Variants in EP400 observed in about 807,000 individuals in gnomAD.
EP400 encodes E1A binding protein p400.
In EP400, 105 loss-of-function variants were observed where a neutral mutation model predicts 354.1. The observed-to-expected ratio is 0.30, with a 90% CI of 0.25 to 0.35. The LOEUF is 0.35. Ranked by LOEUF, EP400 falls within the 10% of genes least tolerant of loss-of-function variation. The probability of loss-of-function intolerance (pLI) is 1.00; values close to 1 mark genes in which losing one functional copy is unlikely to be tolerated. For missense variants in EP400, 3,280 were observed against 4,121.0 expected (o/e 0.80, Z 5.59); for synonymous variants, 1,646 against 1,716.9 (o/e 0.96, Z 1.02).
intron 19 of EP400, 143 bp downstream of exon 19, chr12:132,014,056 A>C: frequency 9.8e-6 from 11 of 1,119,470 alleles, no homozygotes; most frequent in Non-Finnish European, 1.4e-5. Flanking sequence ...TCCTGGGGGC[A>C]GCAGGCTCTG....
In EP400 at chr12:131,961,052, C is replaced by A. The variant is rs1292149354; in HGVS notation, c.433C>A (p.Gln145Lys). Residue 145 changes from glutamine (Q) to lysine (K), a missense_variant, in exon 2 of 53, where the codon CAG (glutamine) becomes AAG (lysine). Gln to Lys is a moderately conservative substitution (Grantham distance 53). This residue lies in a region of EP400 where 172 missense variants were observed against 242.9 expected (regional missense o/e 0.71). Coordinates refer to ENST00000389561, the MANE Select transcript of EP400 (RefSeq NM_015409.5). The stretch of plus-strand genomic sequence containing the variant: ...CACGCAGCCCAGTCCGGGGCCGGGG[C>A]AGGCCTTGCAGAATGTGCGTGCAGG... ...SPTQPSPGPGQALQNVRAGAP... is the reference protein window; with the variant it reads ...SPTQPSPGPGKALQNVRAGAP... 6.3e-7 allele frequency: 1 copy of A among 1,577,058 alleles called. No individual in the cohort carries two copies. The highest frequency in any genetic ancestry group is 1.1e-5 in the South Asian group (1 of 87,138).
At chr12:132,069,470 C>T (rs1896005656) in intron 50 of EP400, 25 bp from the exon 51 acceptor site, 1 of 1,611,240 alleles carries the variant, frequency 6.2e-7, no homozygotes, top group Non-Finnish European at 8.5e-7. Context: ...GTCTCTGCGG[C>T]CCTAATTTCG....
Position 132,050,029 on chromosome 12 carries a change from T to G in EP400, c.7201-294T>G. 6.6e-6 allele frequency among the ~76,000 whole-genome samples: 1 copy of G among 152,232 alleles called. No individual in the cohort carries two copies. The highest frequency in any genetic ancestry group is 1.5e-5 in the Non-Finnish European group (1 of 68,042). On this transcript the variant is annotated intron_variant, in intron 39 of 52. Transcript: ENST00000389561. This position sits in a 1 kb window ranked among gnomAD's most constrained non-coding sequence, Gnocchi z 4.8. ...ACCTGCCATGTGACCTTGGGCACTT[T>G]GCACACCTGTTTTGTTCCCTCTCCC...
At chr12:132,000,842 A>G (rs553801910) in intron 12 of EP400, among the ~76,000 whole-genome samples, 15 of 152,380 alleles carry the variant, frequency 9.8e-5, no homozygotes, top group African/African-American at 3.4e-4. Context: ...GAAAACCTAC[A>G]TGAAATTTTA....
rs1160554591 is a variant in EP400, at chr12:131,990,040, G to C, written c.2486G>C (p.Arg829Thr). The change falls in exon 8 of 53, where the codon AGA becomes ACA. Residue 829 changes from arginine (R) to threonine (T), a missense_variant. Arg to Thr is a moderately conservative substitution (Grantham distance 71). This residue lies in a region of EP400 where 800 missense variants were observed against 840.0 expected (regional missense o/e 0.95). Coordinates refer to ENST00000389561, the MANE Select transcript of EP400 (RefSeq NM_015409.5). This position sits in a 1 kb window ranked among gnomAD's most constrained non-coding sequence, Gnocchi z 4.2. ...EERGKKEEQS[R>T]LRRIAASTAR... Reference sequence around the variant, plus strand: ...AGGGGGAAGAAGGAAGAGCAGAGCAGACTGAGGCGGATAGCCGCCTCCACG... The same window carrying C: ...AGGGGGAAGAAGGAAGAGCAGAGCACACTGAGGCGGATAGCCGCCTCCACG... 1.2e-5 allele frequency: 19 copies of C among 1,613,476 alleles called. No homozygotes were observed. The highest frequency in any genetic ancestry group is 1.5e-5 in the Non-Finnish European group (18 of 1,179,916).
chr12:131,997,760 G>A (rs974577514), intron 12 of EP400, among the ~76,000 whole-genome samples: 1 of 152,092 alleles, frequency 6.6e-6, no homozygotes. Context: ...GGGAGGGGAA[G>A]GGGTTGGTCC....
In EP400 at chr12:132,034,389, T is replaced by A. The variant is rs148323470; in HGVS notation, c.5951+2240T>A. On this transcript the variant is annotated intron_variant, in intron 30 of 52. Coordinates refer to ENST00000389561, the MANE Select transcript of EP400 (RefSeq NM_015409.5). ...TGGGTAGACTTCATTCATGAACATGTGAAGTTTCTCCAAAGTAATACTAAA... is the reference window on the plus strand; with the variant it reads ...TGGGTAGACTTCATTCATGAACATGAGAAGTTTCTCCAAAGTAATACTAAA... Among the ~76,000 whole-genome samples, 244 of 152,340 alleles carry A rather than the reference T, an allele frequency of 1.6e-3. 2 individuals carry two copies. The highest frequency in any genetic ancestry group is 6.8e-3 in the Middle Eastern group (2 of 294).
intron 32 of EP400, among the ~76,000 whole-genome samples, chr12:132,042,336 C>T (rs889430263): frequency 6.6e-6 from 1 of 152,176 alleles, no homozygotes; most frequent in African/African-American, 2.4e-5. Context: ...ACATATCTTT[C>T]CCATTCTGTG....
chr12:132,062,553 AGCAGCAGCAGCAGCAG>A lies in EP400; in HGVS notation c.8187_8202del (p.Gln2729HisfsTer43), dbSNP rs1593383485. Reference sequence around the variant, plus strand: ...CAGCAGCAGCAGCAGCAACAACAGCAGCAGCAGCAGCAGCAGCAGCAGCAGCAGCAGCAGCAGCAAC... The same window carrying A: ...CAGCAGCAGCAGCAGCAACAACAGCACAGCAGCAGCAGCAGCAGCAGCAAC... On this transcript the variant is annotated frameshift_variant, in exon 47 of 53. Transcript: ENST00000389561. LOFTEE classifies it high-confidence loss of function. 5.2e-6 allele frequency: 8 copies of A among 1,552,250 alleles called. No individual in the cohort carries two copies. Among genetic ancestry groups the A allele is most frequent in the African/African-American group, 2.8e-5 (2 of 71,274 alleles).
rs779129788 is a variant in EP400, at chr12:132,062,536, GCAGCAGCAACAA to G, written c.8178_8189del (p.Gln2745_Gln2748del). 19 of 1,601,412 alleles carry G rather than the reference GCAGCAGCAACAA, an allele frequency of 1.2e-5. No homozygotes were observed. Among genetic ancestry groups the G allele is most frequent in the African/African-American group, 4.2e-5 (3 of 71,816 alleles). ...TCCAGCTTCTCAGGCAGCAGCAGCA[GCAGCAGCAACAA>G]CAGCAGCAGCAGCAGCAGCAGCAGC... is the stretch of plus-strand genomic sequence containing the variant. On this transcript the variant is annotated inframe_deletion, in exon 47 of 53. Coordinates refer to ENST00000389561, the MANE Select transcript of EP400 (RefSeq NM_015409.5).
rs1893010169 is a variant in EP400 at position 131,990,865 on chromosome 12, C to T, written c.2629+151C>T. 8 of 642,040 alleles carry T rather than the reference C, an allele frequency of 1.2e-5. No homozygotes were observed. The Admixed American group carries it at 2.4e-4, about 19-fold the overall frequency. 39.8% of individuals were successfully genotyped at this position (642,040 alleles called of 1,614,324 possible). A position where few individuals can be genotyped will look rare whatever the true frequency, so the allele number is the denominator to read the frequency against. ...GATTGTTACATTTCTCTTTGTGTGG[C>T]CATCCTAGTTTTATGCTTCAGTGCT... On this transcript the variant is annotated intron_variant, in intron 9 of 52. Transcript: ENST00000389561. This position sits in a 1 kb window ranked among gnomAD's most constrained non-coding sequence, Gnocchi z 4.2.
rs1361922887 is a variant in EP400, at chr12:131,972,748, T to TTG, written c.1336-6943_1336-6942dup. ...ACCTTTTTTTTTTTTTTTTTTTTTT[T>TTG]TGTGACGGAGTCTCGCTCTGTTGTC... On this transcript the variant is annotated intron_variant, in intron 2 of 52. Transcript: ENST00000389561. Among the ~76,000 whole-genome samples the TTG allele has an allele frequency of 6.2e-5, 9 of 146,230 alleles. No homozygotes were observed. In the South Asian group the frequency reaches 2.0e-3, roughly 32 times the overall value.
chr12:132,051,663 A>G (rs935933291), intron 41 of EP400, among the ~76,000 whole-genome samples: 2 of 152,144 alleles, frequency 1.3e-5, no homozygotes, highest in Non-Finnish European at 2.9e-5. Flanking sequence ...GGTGTACAAG[A>G]TGGAACATGA....
intron 24 of EP400, 103 bp downstream of exon 24, chr12:132,024,044 T>C: frequency 7.8e-7 from 1 of 1,275,186 alleles, no homozygotes; most frequent in South Asian, 1.8e-5. Context: ...AGTGTCAGGC[T>C]TTTCCCTGTG....
rs373080784 is a variant in EP400, at chr12:132,066,863, G to C, written c.8643G>C (p.Pro2881=). Residue 2881 remains proline, a synonymous_variant, in exon 49 of 53, where the codon CCG becomes CCC. Transcript: ENST00000389561. The part of the protein sequence containing the change: ...QPAQVALAKP[P]VVSVPAAVVS... ...CCCAGGTGGCCTTGGCGAAGCCTCC[G>C]GTGGTGTCCGTCCCGGCAGCTGTGG... 1 of 1,613,974 alleles carries C rather than the reference G, an allele frequency of 6.2e-7. No individual in the cohort carries two copies. The highest frequency in any genetic ancestry group is 8.5e-7 in the Non-Finnish European group (1 of 1,179,978).
rs1471929922 is a variant in EP400 at position 132,076,511 on chromosome 12, C to T, written c.9022-5C>T. The stretch of plus-strand genomic sequence containing the variant: ...GTATGTTTGGCTTTTTTTGTTTTGT[C>T]AAAGGTTGCAAAACTTCCTCAAGTT... On this transcript the variant is annotated splice_polypyrimidine_tract_variant and splice_region_variant and intron_variant, in intron 51 of 52. Transcript: ENST00000389561. 2 of 1,613,910 alleles carry T rather than the reference C, an allele frequency of 1.2e-6. No individual in the cohort carries two copies. Among genetic ancestry groups the T allele is most frequent in the Non-Finnish European group, 8.5e-7 (1 of 1,180,000 alleles).
chr12:132,055,604 G>A (rs1199606074), intron 45 of EP400, among the ~76,000 whole-genome samples: 1 of 133,812 alleles, frequency 7.5e-6, no homozygotes, highest in Non-Finnish European at 1.6e-5. Context: ...GTATAGGGGT[G>A]TGTGTGAGGT....
In EP400 at chr12:131,962,018, T is replaced by G; in HGVS notation, c.1335+64T>G. The G allele has an allele frequency of 2.0e-6, 3 of 1,498,538 alleles. No homozygotes were observed. In the East Asian group the frequency reaches 7.2e-5, roughly 36 times the overall value. The allele number at this position is 1,498,538 out of a possible 1,614,324, so 92.8% of individuals were successfully genotyped here. ...TAGATGATCAGAGTCTATGCGACAA[T>G]GAATTAAGTAATAATTTATTGAGCC... On this transcript the variant is annotated intron_variant, in intron 2 of 52. Transcript: ENST00000389561.
intron 39 of EP400, among the ~76,000 whole-genome samples, chr12:132,048,070 ATTCTG>A (rs1329554913): frequency 6.6e-6 from 1 of 152,206 alleles, no homozygotes; most frequent in East Asian, 1.9e-4. Flanking sequence ...CATTGCTGTT[ATTCTG>A]TTCTTTTTTT....
Sources: gnomAD v4.1 joint callset for allele counts (sites outside exome capture counted in the v4.1 genomes callset) on GRCh38, gnomAD v4.1.1 for gene constraint, gnomAD v4.1.1 regional missense constraint, Gnocchi (gnomAD v3.1) non-coding constraint, MANE v1.5 for transcripts, NCBI Gene and HGNC (gene_info 2026-07-23, HGNC 2026-07-21) for gene names.